Variants in SEMA3A observed in about 807,000 individuals in gnomAD.
SEMA3A encodes semaphorin 3A, also known as semaphorin-3A.
Under a neutral mutation model 97.9 loss-of-function variants are expected in SEMA3A, and 29 were observed. The ratio of observed to expected loss-of-function variants is 0.30; its 90% CI spans 0.22 to 0.40. The LOEUF is 0.40. Ranked by LOEUF, SEMA3A falls within the 10% of genes least tolerant of loss-of-function variation. The pLI, the probability that SEMA3A is intolerant of heterozygous loss-of-function variation, is 1.00. For synonymous variants in SEMA3A, 321 were observed against 323.7 expected, an observed-to-expected ratio of 0.99 and a Z score of 0.09; for missense variants, 763 against 951.3, an observed-to-expected ratio of 0.80 and a Z score of 2.60.
At chr7:83,999,066 A>C (rs1023488148) in intron 12 of SEMA3A, among the ~76,000 whole-genome samples, 1 of 152,200 alleles carries the variant, frequency 6.6e-6, no homozygotes, top group Non-Finnish European at 1.5e-5. Context: ...GAAGGAGTAC[A>C]ATGTAAAATA....
At chr7:84,331,059 G>T (rs1584244592) in intron 2 of SEMA3A, among the ~76,000 whole-genome samples, 2 of 152,092 alleles carry the variant, frequency 1.3e-5, no homozygotes, top group African/African-American at 2.4e-5. Flanking sequence ...ATGTAGAAAT[G>T]TACTGAATGA....
chr7:84,248,834 T>C (rs1322327908), intron 3 of SEMA3A, among the ~76,000 whole-genome samples: 2 of 146,492 alleles, frequency 1.4e-5, no homozygotes, highest in African/African-American at 4.9e-5. Flanking sequence ...CCTTAAGACA[T>C]AATAGCCCAG....
chr7:84,302,400 A>G (rs1216853055), intron 3 of SEMA3A, among the ~76,000 whole-genome samples: 1 of 152,202 alleles, frequency 6.6e-6, no homozygotes, highest in Non-Finnish European at 1.5e-5. Context: ...GTTAATGAAG[A>G]AAAATAAATG....
rs1795432273 is a variant in SEMA3A, at chr7:84,116,393, T to A, written c.334-5804A>T. On this transcript the variant is annotated intron_variant, in intron 3 of 16. Transcript: ENST00000265362. Reference sequence around the variant, plus strand: ...GTTGCTTTAAAAGGAGATTAAAAAGTAGAACATTCGGAAAGAAAGAACTTT... The same window carrying A: ...GTTGCTTTAAAAGGAGATTAAAAAGAAGAACATTCGGAAAGAAAGAACTTT... Among the ~76,000 whole-genome samples, 4 of 152,210 alleles carry A rather than the reference T, an allele frequency of 2.6e-5. 1 individual carries two copies. In the South Asian group the frequency reaches 8.3e-4, roughly 32 times the overall value.
chr7:84,221,852 G>GCA (rs1798891213), intron 3 of SEMA3A, among the ~76,000 whole-genome samples: 1 of 151,972 alleles, frequency 6.6e-6, no homozygotes, highest in African/African-American at 2.4e-5. Context: ...TTACCAAAAT[G>GCA]TGATACAGAC....
rs757282039 is a variant in SEMA3A at position 84,046,416 on chromosome 7, G to C, written c.575C>G (p.Ala192Gly). The change falls in exon 6 of 17, where the codon GCT (alanine) becomes GGT (glycine). Residue 192 changes from alanine (A) to glycine (G), a missense_variant. Physicochemically the swap from Ala to Gly is moderately conservative, Grantham distance 60. Around this residue, in one of 2 missense-constraint regions of SEMA3A, gnomAD observed 678 missense variants for 881.3 expected, o/e 0.77. Coordinates refer to ENST00000265362, the MANE Select transcript of SEMA3A (RefSeq NM_006080.3). Reference sequence around the variant, plus strand: ...AGCAAAGTCTCGCCCCATAAAATCAGCTGCAGTTCCAGAGTATAATTCTCC... The same window carrying C: ...AGCAAAGTCTCGCCCCATAAAATCACCTGCAGTTCCAGAGTATAATTCTCC... ...IDGELYSGTA[A>G]DFMGRDFAIF... The C allele has an allele frequency of 3.1e-6, 5 of 1,613,064 alleles. No individual in the cohort carries two copies. Among genetic ancestry groups the C allele is most frequent in the Non-Finnish European group, 3.4e-6 (4 of 1,179,310 alleles).
At chr7:84,330,417 A>T (rs367917345) in intron 2 of SEMA3A, among the ~76,000 whole-genome samples, 84 of 152,190 alleles carry the variant, frequency 5.5e-4, no homozygotes, top group African/African-American at 1.9e-3. Context: ...AAAAGTAACA[A>T]ATTATCATAT....
At chr7:84,183,716 T>G (rs144919556) in intron 1 of SEMA3A, among the ~76,000 whole-genome samples, 1 of 152,200 alleles carries the variant, frequency 6.6e-6, no homozygotes. Flanking sequence ...TCCAAGAAAG[T>G]AAAATTTTAC....
chr7:84,231,805 A>C (rs1331926736), intron 3 of SEMA3A, among the ~76,000 whole-genome samples: 1 of 151,914 alleles, frequency 6.6e-6, no homozygotes, highest in Non-Finnish European at 1.5e-5. Context: ...ACAGCAGACA[A>C]AGCCAAGGCC....
intron 2 of SEMA3A, among the ~76,000 whole-genome samples, chr7:84,355,129 G>T (rs10954752): frequency 0.29 from 43,495 of 151,530 alleles, 6,732 homozygotes; most frequent in African/African-American, 0.38. Flanking sequence ...AAACTGCTTT[G>T]ACCAGAAACC....
intron 1 of SEMA3A, among the ~76,000 whole-genome samples, chr7:84,150,853 G>T (rs1394871756): frequency 6.3e-4 from 95 of 151,596 alleles, no homozygotes; most frequent in Admixed American, 4.6e-3. Flanking sequence ...TGACAGCTTT[G>T]AAGAGAGCAG....
At chr7:84,406,437 A>C (rs888261452) in intron 1 of SEMA3A, among the ~76,000 whole-genome samples, 8 of 152,144 alleles carry the variant, frequency 5.3e-5, no homozygotes, top group African/African-American at 9.7e-5. Flanking sequence ...AGTCCAGGAC[A>C]AGATGGATTC....
At chr7:84,165,848 C>T (rs184236390) in intron 1 of SEMA3A, among the ~76,000 whole-genome samples, 16 of 152,276 alleles carry the variant, frequency 1.1e-4, no homozygotes, top group African/African-American at 3.1e-4. Flanking sequence ...CCACCCCTCC[C>T]GGCCTACCAA....
intron 2 of SEMA3A, among the ~76,000 whole-genome samples, chr7:84,311,613 A>G (rs1801322517): frequency 6.6e-6 from 1 of 152,120 alleles, no homozygotes; most frequent in African/African-American, 2.4e-5. Context: ...ATTAGGCACC[A>G]TAGAACATTG....
intron 15 of SEMA3A, among the ~76,000 whole-genome samples, chr7:83,971,904 T>A (rs1788930218): frequency 6.6e-6 from 1 of 152,138 alleles, no homozygotes; most frequent in Non-Finnish European, 1.5e-5. Context: ...ATATAGCATT[T>A]AGAATTTTAC....
At chr7:83,980,623 A>AAAAATATATATAT (rs1310318006) in intron 14 of SEMA3A, among the ~76,000 whole-genome samples, 4 of 71,756 alleles carry the variant, frequency 5.6e-5, no homozygotes, top group African/African-American at 3.3e-4. Context: ...AAAAAAAAAA[A>AAAAATATATATAT]ATATATATAT....
At chr7:84,384,009 T>C (rs1584280294) in intron 1 of SEMA3A, among the ~76,000 whole-genome samples, 1 of 152,188 alleles carries the variant, frequency 6.6e-6, no homozygotes, top group African/African-American at 2.4e-5. Context: ...TGTCAGTCAA[T>C]TTAGAATATT....
intron 3 of SEMA3A, among the ~76,000 whole-genome samples, chr7:84,238,225 C>T (rs939582519): frequency 6.6e-6 from 1 of 152,122 alleles, no homozygotes; most frequent in African/African-American, 2.4e-5. Context: ...CACCACCACA[C>T]CAGGCTAATT....
At chr7:84,178,533 G>A (rs1219907879) in intron 1 of SEMA3A, among the ~76,000 whole-genome samples, 1 of 152,034 alleles carries the variant, frequency 6.6e-6, no homozygotes, top group Non-Finnish European at 1.5e-5. Context: ...AGGTCACACA[G>A]AAAATTAGTG....
Sources: allele counts gnomAD v4.1 joint callset (sites outside exome capture counted in the v4.1 genomes callset), GRCh38; gene constraint gnomAD v4.1.1; regional missense constraint gnomAD v4.1.1; transcripts MANE v1.5; gene names NCBI Gene and HGNC (gene_info 2026-07-23, HGNC 2026-07-21).